The following RPS6KC1 variants were observed in gnomAD, a reference collection of about 807,000 sequenced individuals.
The protein encoded by RPS6KC1 is inactive ribosomal protein S6 kinase delta-1.
Under a neutral mutation model 103.8 loss-of-function variants are expected in RPS6KC1, and 54 were observed. The ratio of observed to expected loss-of-function variants is 0.52; its 90% CI spans 0.42 to 0.65. The LOEUF is 0.65. Ranked by LOEUF, RPS6KC1 falls within the 30% of genes least tolerant of loss-of-function variation. The pLI, the probability that RPS6KC1 is intolerant of heterozygous loss-of-function variation, is 0.00. For synonymous variants in RPS6KC1, 439 were observed against 438.7 expected (o/e 1.00, Z -0.01); for missense variants, 1,151 against 1,253.8 (o/e 0.92, Z 1.24).
At chr1:213,477,413 A>G in the RPS6KC1 span, among the ~76,000 whole-genome samples, 3 of 151,376 alleles carry the variant, frequency 2.0e-5, no homozygotes, top group Non-Finnish European at 2.9e-5. Context: ...ATCTCCCACT[A>G]TTGTAGTCTT....
chr1:213,078,354 A>G (rs1344761554), intron 3 of RPS6KC1, among the ~76,000 whole-genome samples: 2 of 151,632 alleles, frequency 1.3e-5, no homozygotes, highest in African/African-American at 2.4e-5. Flanking sequence ...GACTGGAAGT[A>G]TAGAATATTC....
the RPS6KC1 span, among the ~76,000 whole-genome samples, chr1:213,784,168 A>C: frequency 6.6e-6 from 1 of 152,178 alleles, no homozygotes; most frequent in Non-Finnish European, 1.5e-5. Flanking sequence ...CCAGGCAAAC[A>C]TTGCAAACTC....
intron 5 of RPS6KC1, among the ~76,000 whole-genome samples, chr1:213,126,322 A>C (rs1478987003): frequency 1.3e-5 from 2 of 152,130 alleles, no homozygotes; most frequent in Non-Finnish European, 2.9e-5. Flanking sequence ...ATGTCAGAGG[A>C]CTGAAAAGAT....
chr1:213,737,705 C>A, the RPS6KC1 span, among the ~76,000 whole-genome samples: 1 of 152,120 alleles, frequency 6.6e-6, no homozygotes, highest in Non-Finnish European at 1.5e-5. Context: ...GAAGGTGGTC[C>A]AATTCACTAA....
the RPS6KC1 span, among the ~76,000 whole-genome samples, chr1:213,313,946 C>T: frequency 1.1e-4 from 16 of 151,832 alleles, no homozygotes; most frequent in Non-Finnish European, 1.5e-4. Context: ...GGCGGAGACT[C>T]GATTTAAAAA....
At chr1:213,404,273 T>C in the RPS6KC1 span, among the ~76,000 whole-genome samples, 1,141 of 152,178 alleles carry the variant, frequency 7.5e-3, 16 homozygotes, top group African/African-American at 0.026. Context: ...TGAAGGAAGT[T>C]CTTTGAGCAA....
chr1:213,556,421 T>A, the RPS6KC1 span, among the ~76,000 whole-genome samples: 1 of 152,232 alleles, frequency 6.6e-6, no homozygotes, highest in African/African-American at 2.4e-5. Context: ...AGCATTAGTC[T>A]CTTTGCACAA....
At chr1:213,691,810 A>G in the RPS6KC1 span, among the ~76,000 whole-genome samples, 1 of 152,274 alleles carries the variant, frequency 6.6e-6, no homozygotes, top group East Asian at 1.9e-4. Context: ...TAAGCTAATC[A>G]GGACTCCAGT....
the RPS6KC1 span, among the ~76,000 whole-genome samples, chr1:213,341,892 A>G: frequency 6.6e-6 from 1 of 152,154 alleles, no homozygotes; most frequent in Non-Finnish European, 1.5e-5. Context: ...CATCGTATCT[A>G]CTTCATGGGG....
At chr1:213,318,140 C>A in the RPS6KC1 span, among the ~76,000 whole-genome samples, 1 of 152,252 alleles carries the variant, frequency 6.6e-6, no homozygotes, top group Admixed American at 6.5e-5. Flanking sequence ...TCTGATTGAA[C>A]ATCAAATAAT....
chr1:213,182,872 C>T (rs867854536), intron 8 of RPS6KC1, among the ~76,000 whole-genome samples: 34 of 145,916 alleles, frequency 2.3e-4, no homozygotes, highest in Middle Eastern at 7.5e-3. Flanking sequence ...GTATATATAT[C>T]ATATATGATG....
the RPS6KC1 span, among the ~76,000 whole-genome samples, chr1:213,581,093 G>T: frequency 6.6e-6 from 1 of 151,986 alleles, no homozygotes; most frequent in African/African-American, 2.4e-5. Context: ...TTCTGAGAGA[G>T]AACTGTGCCT....
At chr1:213,837,857 CT>C in the RPS6KC1 span, among the ~76,000 whole-genome samples, 72 of 151,410 alleles carry the variant, frequency 4.8e-4, no homozygotes, top group African/African-American at 1.3e-3. Context: ...TGAGACAAAC[CT>C]TTTTTTTTAA....
the RPS6KC1 span, among the ~76,000 whole-genome samples, chr1:213,640,312 TA>T: frequency 1.3e-5 from 2 of 151,970 alleles, no homozygotes; most frequent in Admixed American, 1.3e-4. Flanking sequence ...TCAGTCTTCC[TA>T]GATGCTTATC....
At chr1:213,654,783 C>T in the RPS6KC1 span, among the ~76,000 whole-genome samples, 3 of 152,170 alleles carry the variant, frequency 2.0e-5, no homozygotes, top group African/African-American at 7.2e-5. Flanking sequence ...AGCTCTGCTC[C>T]AAATGATCAG....
the RPS6KC1 span, among the ~76,000 whole-genome samples, chr1:213,535,118 G>T: frequency 6.6e-6 from 1 of 152,190 alleles, no homozygotes; most frequent in African/African-American, 2.4e-5. Context: ...CCATATGGAG[G>T]TTCATTTTAT....
At chr1:213,598,002 G>A in the RPS6KC1 span, among the ~76,000 whole-genome samples, 1 of 152,220 alleles carries the variant, frequency 6.6e-6, no homozygotes, top group Non-Finnish European at 1.5e-5. Flanking sequence ...AAAACAGAGT[G>A]ATGACTTGTC....
chr1:213,554,076 G>A, the RPS6KC1 span, among the ~76,000 whole-genome samples: 2 of 152,138 alleles, frequency 1.3e-5, no homozygotes, highest in Admixed American at 1.3e-4. Flanking sequence ...TGCTTTTGAA[G>A]TCTTCATCAT....
the RPS6KC1 span, among the ~76,000 whole-genome samples, chr1:213,825,952 G>A: frequency 1.3e-5 from 2 of 152,066 alleles, no homozygotes; most frequent in South Asian, 2.1e-4. Context: ...TGTGTACTTC[G>A]GGAAGGGGCT....
Sources: allele counts gnomAD v4.1 joint callset (sites outside exome capture counted in the v4.1 genomes callset), GRCh38; gene constraint gnomAD v4.1.1; transcripts MANE v1.5; gene names NCBI Gene and HGNC (gene_info 2026-07-23, HGNC 2026-07-21).